CYGB: variants seen among roughly 807,000 people sequenced by gnomAD.
The protein encoded by CYGB is histoglobin.
Under a neutral mutation model 20.7 loss-of-function variants are expected in CYGB, and 13 were observed. The ratio of observed to expected loss-of-function variants is 0.63; its 90% confidence interval spans 0.41 to 1.00. The LOEUF is 1.00. CYGB is among the 50% of genes least tolerant of loss of function. CYGB has a pLI of 0.00. For synonymous variants in CYGB, 93 were observed against 107.4 expected (o/e 0.87, Z 0.83); for missense variants, 218 against 257.2 (o/e 0.85, Z 1.04).
At chr17:76,535,926 A>G (rs183148247) in intron 1 of CYGB, among the ~76,000 whole-genome samples, 7 of 152,324 alleles carry the variant, frequency 4.6e-5, no homozygotes, top group Admixed American at 4.6e-4. Context: ...ATGGTGACCC[A>G]TGAGTGTGCC....
chr17:76,539,588 C>T (rs373465447), upstream of CYGB, among the ~76,000 whole-genome samples: 8 of 152,356 alleles, frequency 5.3e-5, no homozygotes, highest in Middle Eastern at 3.4e-3. Flanking sequence ...GATGCTTCCA[C>T]GGTGACATCA....
At chr17:76,542,446 C>A, upstream of CYGB, 3 of 1,327,564 alleles carry the variant, frequency 2.3e-6, no homozygotes, top group Non-Finnish European at 3.3e-6. Flanking sequence ...TCCTGCCCCT[C>A]AATATTGGGG....
chr17:76,543,462 A>G, intron 1 of CYGB: 1 of 340,296 alleles, frequency 2.9e-6, no homozygotes, highest in South Asian at 2.3e-5. Context: ...TCATTCTGTA[A>G]TTTAATCTTC....
Position 76,527,895 on chromosome 17 carries a change from C to G in CYGB, c.*683G>C, listed in dbSNP as rs2074785929. The G allele has an allele frequency of 2.3e-6, 1 of 436,578 alleles. No individual in the cohort carries two copies. The highest frequency in any genetic ancestry group is 2.4e-5 in the Admixed American group (1 of 41,954). 27.0% of individuals were successfully genotyped at this position (436,578 alleles called of 1,614,324 possible). The stretch of plus-strand genomic sequence containing the variant: ...CTCCTTTCTGCCTGGAAGTGGAATT[C>G]AGGAATGTGGGGAGCTGGTCTGAGA... On this transcript the variant is annotated 3_prime_UTR_variant, in exon 4 of 4. Transcript: ENST00000293230.
Position 76,531,854 on chromosome 17 carries a change from C to A in CYGB, c.144-163G>T. Reference sequence around the variant, plus strand: ...AGTAGACCTCAGCATAGACCCTCCTCCCTCTGGCCAAGCCGGCTCACCCCT... The same window carrying A: ...AGTAGACCTCAGCATAGACCCTCCTACCTCTGGCCAAGCCGGCTCACCCCT... On this transcript the variant is annotated intron_variant, in intron 1 of 3. Coordinates refer to ENST00000293230, the MANE Select transcript of CYGB (RefSeq NM_134268.5). The surrounding 1 kb of genome is among the most constrained non-coding windows in gnomAD (Gnocchi z 7.4). The A allele has an allele frequency of 1.6e-6, 1 of 609,692 alleles. No homozygotes were observed. Among genetic ancestry groups the A allele is most frequent in the Non-Finnish European group, 2.8e-6 (1 of 354,460 alleles). The allele number at this position is 609,692 out of a possible 1,614,324, so 37.8% of individuals were successfully genotyped here.
chr17:76,543,517 A>G (rs972739833), intron 1 of CYGB: 1 of 347,556 alleles, frequency 2.9e-6, no homozygotes, highest in African/African-American at 2.1e-5. Context: ...CAATTTCTAA[A>G]TGGGGAAACA....
Position 76,536,927 on chromosome 17 carries a change from C to T in CYGB, c.143+473G>A, listed in dbSNP as rs2074921308. On this transcript the variant is annotated intron_variant, in intron 1 of 3. Coordinates refer to ENST00000293230, the MANE Select transcript of CYGB (RefSeq NM_134268.5). ...TTTCTCAACCTCTGCTCTTTGCTCT[C>T]TGTTCTTCCAAGAGGCTTTGAATCC... 2.6e-5 allele frequency among the ~76,000 whole-genome samples: 4 copies of T among 152,340 alleles called. No individual in the cohort carries two copies. In the South Asian group the frequency reaches 8.3e-4, roughly 32 times the overall value.
chr17:76,544,255 G>A lies in CYGB; in HGVS notation c.-53+6607C>T, dbSNP rs886053477. ...AGCCAGCCCCCCTCCCAGCCCAGCG[G>A]CGATGTCTCTGCCTGGCTGGCCCGT... On this transcript the variant is annotated intron_variant, in intron 1 of 3. Coordinates refer to the CYGB transcript ENST00000589145. 6.6e-6 allele frequency: 3 copies of A among 454,432 alleles called. No homozygotes were observed. The highest frequency in any genetic ancestry group is 2.3e-5 in the Admixed American group (1 of 42,556). 28.1% of individuals were successfully genotyped at this position (454,432 alleles called of 1,614,324 possible). A position where few individuals can be genotyped will look rare whatever the true frequency, so the allele number is the denominator to read the frequency against.
chr17:76,543,801 A>G, intron 1 of CYGB: 1 of 470,926 alleles, frequency 2.1e-6, no homozygotes, highest in South Asian at 1.5e-5. Flanking sequence ...GCCTTTCCCC[A>G]GTTCCCAGAG....
rs2074847882 is a variant in CYGB, at chr17:76,531,790, G to C, written c.144-99C>G. The C allele has an allele frequency of 3.2e-6, 3 of 948,642 alleles. No individual in the cohort carries two copies. Among genetic ancestry groups the C allele is most frequent in the African/African-American group, 3.3e-5 (2 of 61,076 alleles). 58.8% of individuals were successfully genotyped at this position (948,642 alleles called of 1,614,324 possible). A position where few individuals can be genotyped will look rare whatever the true frequency, so the allele number is the denominator to read the frequency against. On this transcript the variant is annotated intron_variant, in intron 1 of 3. Transcript: ENST00000293230. The surrounding 1 kb of genome is among the most constrained non-coding windows in gnomAD (Gnocchi z 7.4). ...GGGGGCTGAAGAAGTGGACCGCAGTGCTCCCCACCCCCGCACCGTCACTGT... is the reference window on the plus strand; with the variant it reads ...GGGGGCTGAAGAAGTGGACCGCAGTCCTCCCCACCCCCGCACCGTCACTGT...
At chr17:76,544,814 C>T (rs768637022) in intron 1 of CYGB, 4 of 456,702 alleles carry the variant, frequency 8.8e-6, no homozygotes, top group African/African-American at 2.0e-5. Context: ...TCATCTCCTT[C>T]CACTGGTCTG....
chr17:76,548,923 G>A (rs2075081593), intron 1 of CYGB, among the ~76,000 whole-genome samples: 1 of 152,172 alleles, frequency 6.6e-6, no homozygotes, highest in African/African-American at 2.4e-5. Flanking sequence ...CTGTGCCTTG[G>A]GGAGGGGAAA....
chr17:76,551,013 G>GA (rs577670483), exon 1 of CYGB: 8 of 152,242 alleles, frequency 5.3e-5, no homozygotes, highest in Non-Finnish European at 1.2e-4. Flanking sequence ...TACTCAGCTA[G>GA]AATCAGCAGA....
chr17:76,540,655 G>T (rs114639342), upstream of CYGB: 4,272 of 1,298,544 alleles, frequency 3.3e-3, 13 homozygotes, highest in Non-Finnish European at 4.2e-3. The surrounding 1 kb of genome is among the most constrained non-coding windows in gnomAD (Gnocchi z 5.0). Flanking sequence ...GCACGTGTGT[G>T]CCTGTGCGCG....
upstream of CYGB, chr17:76,538,451 C>G (rs990123306): frequency 6.4e-6 from 3 of 466,298 alleles, no homozygotes; most frequent in African/African-American, 6.0e-5. Flanking sequence ...GCCCTCGGTG[C>G]ACGAACGCGG....
upstream of CYGB, chr17:76,542,651 G>A (rs1296826073): frequency 2.6e-6 from 4 of 1,534,072 alleles, no homozygotes; most frequent in African/African-American, 2.7e-5. Context: ...AGGGCTGGGA[G>A]CCGGGGAGGG....
intron 1 of CYGB, chr17:76,544,254 G>A (rs903223944): frequency 1.8e-5 from 8 of 454,390 alleles, no homozygotes; most frequent in African/African-American, 8.0e-5. Context: ...CCAGCCCAGC[G>A]GCGATGTCTC....
At chr17:76,535,368 G>A (rs912649739) in intron 1 of CYGB, among the ~76,000 whole-genome samples, 2 of 152,178 alleles carry the variant, frequency 1.3e-5, no homozygotes, top group Non-Finnish European at 2.9e-5. Context: ...GCTGTGTCAA[G>A]ACTGACGGGC....
At position 76,537,664 on chromosome 17, in the gene CYGB, G is replaced by T; in HGVS notation, c.-122C>A. The T allele has an allele frequency of 2.2e-6, 2 of 895,694 alleles. No homozygotes were observed. Among genetic ancestry groups the T allele is most frequent in the Non-Finnish European group, 2.7e-6 (2 of 749,620 alleles). The allele number at this position is 895,694 out of a possible 1,614,324, so 55.5% of individuals were successfully genotyped here. On this transcript the variant is annotated 5_prime_UTR_variant, in exon 1 of 4. Transcript: ENST00000293230. ...GCGCGGCGGGCGGGCGAGGGGTAGA[G>T]CGCGGAGGGAGGGAGCGTGTGTCTG... is the stretch of plus-strand genomic sequence containing the variant.
Sources: allele counts gnomAD v4.1 joint callset (sites outside exome capture counted in the v4.1 genomes callset), GRCh38; gene constraint gnomAD v4.1.1; non-coding constraint Gnocchi (gnomAD v3.1); transcripts MANE v1.5; gene names NCBI Gene and HGNC (gene_info 2026-07-23, HGNC 2026-07-21).